The following ARSG variants were observed in gnomAD, a reference collection of about 807,000 sequenced individuals.
ARSG encodes the protein ASG.
In ARSG, 37 loss-of-function variants were observed where a neutral mutation model predicts 50.5. That is an observed-to-expected ratio of 0.73 (90% CI 0.56 to 0.96). The LOEUF is 0.96. Ranked by LOEUF, ARSG falls within the 50% of genes least tolerant of loss-of-function variation. The probability of loss-of-function intolerance (pLI) is 0.00; values close to 1 mark genes in which losing one functional copy is unlikely to be tolerated. For missense variants in ARSG, 629 were observed against 675.3 expected, an observed-to-expected ratio of 0.93 and a Z score of 0.76; for synonymous variants, 225 against 254.6, an observed-to-expected ratio of 0.88 and a Z score of 1.11.
At chr17:68,386,160 G>C (rs1285556845) in intron 9 of ARSG, among the ~76,000 whole-genome samples, 1 of 152,172 alleles carries the variant, frequency 6.6e-6, no homozygotes, top group Non-Finnish European at 1.5e-5. Flanking sequence ...CATCTTCCCA[G>C]CTATGGAACC....
chr17:68,437,191 G>A, the ARSG span, among the ~76,000 whole-genome samples: 3 of 152,104 alleles, frequency 2.0e-5, no homozygotes, highest in Non-Finnish European at 4.4e-5. Context: ...TCTTTCTGCA[G>A]ATGATTATAT....
chr17:68,325,740 T>G (rs545698491), intron 2 of ARSG, among the ~76,000 whole-genome samples: 1 of 152,308 alleles, frequency 6.6e-6, no homozygotes, highest in East Asian at 1.9e-4. Flanking sequence ...CATGTGATAG[T>G]CAAGGAAGCC....
intron 6 of ARSG, among the ~76,000 whole-genome samples, chr17:68,364,066 A>G (rs2146621530): frequency 6.6e-6 from 1 of 152,164 alleles, no homozygotes; most frequent in African/African-American, 2.4e-5. Context: ...TTCTTGAGAG[A>G]TGGGTGCCTC....
the ARSG span, chr17:68,435,809 T>C: frequency 2.0e-3 from 2,182 of 1,104,002 alleles, 40 homozygotes; most frequent in African/African-American, 0.028. Context: ...CTCCCTCCTT[T>C]GTCCAGCTCC....
At chr17:68,374,304 C>T (rs1393167141) in intron 8 of ARSG, among the ~76,000 whole-genome samples, 1 of 151,774 alleles carries the variant, frequency 6.6e-6, no homozygotes, top group Non-Finnish European at 1.5e-5. Context: ...AGTTAGAAAG[C>T]CTGGAATAGC....
intron 2 of ARSG, among the ~76,000 whole-genome samples, chr17:68,319,504 C>T (rs1316985644): frequency 6.6e-6 from 1 of 152,172 alleles, no homozygotes; most frequent in African/African-American, 2.4e-5. Context: ...AACACAATGA[C>T]CTAGATGGTA....
intron 11 of ARSG, among the ~76,000 whole-genome samples, chr17:68,414,931 G>T (rs1208260222): frequency 6.6e-6 from 1 of 151,852 alleles, no homozygotes; most frequent in Non-Finnish European, 1.5e-5. Flanking sequence ...TTCTTTTCTT[G>T]GTTAATCTTG....
intron 8 of ARSG, 39 bp from the exon 9 acceptor site, chr17:68,385,025 T>C: frequency 1.9e-6 from 3 of 1,552,280 alleles, no homozygotes; most frequent in Non-Finnish European, 2.7e-6. Flanking sequence ...TCTCGAGTTA[T>C]CACCATGGAT....
intron 1 of ARSG, among the ~76,000 whole-genome samples, chr17:68,262,342 G>A (rs2075085736): frequency 6.6e-6 from 1 of 151,854 alleles, no homozygotes; most frequent in African/African-American, 2.4e-5. Context: ...GTGGTGGCGG[G>A]CGCCTGTAGT....
chr17:68,369,113 A>G (rs1425814237), intron 7 of ARSG, among the ~76,000 whole-genome samples: 1 of 152,134 alleles, frequency 6.6e-6, no homozygotes, highest in Non-Finnish European at 1.5e-5. Context: ...CAAAGATTCT[A>G]CTTGCTGCCA....
chr17:68,442,860 GACA>G, the ARSG span, among the ~76,000 whole-genome samples: 1 of 152,182 alleles, frequency 6.6e-6, no homozygotes, highest in Admixed American at 6.5e-5. Context: ...GGGAACTCGT[GACA>G]ACTAGATTTT....
the ARSG span, among the ~76,000 whole-genome samples, chr17:68,435,206 C>CA: frequency 0.54 from 74,438 of 139,030 alleles, 20,319 homozygotes; most frequent in Admixed American, 0.65. Flanking sequence ...GACTCCACCT[C>CA]AAAAAAAAAA....
chr17:68,408,258 A>C, intron 11 of ARSG, among the ~76,000 whole-genome samples: 2 of 143,294 alleles, frequency 1.4e-5, no homozygotes, highest in South Asian at 2.4e-4. Context: ...ATATCTCCCA[A>C]TGCTATCCCT....
intron 1 of ARSG, among the ~76,000 whole-genome samples, chr17:68,277,443 T>G (rs904598141): frequency 6.7e-6 from 1 of 148,192 alleles, no homozygotes; most frequent in Non-Finnish European, 1.5e-5. Context: ...ACTTTTTTCT[T>G]TTTTGAGATG....
chr17:68,346,287 G>A (rs547751564), intron 3 of ARSG, among the ~76,000 whole-genome samples: 36 of 152,130 alleles, frequency 2.4e-4, no homozygotes, highest in African/African-American at 6.7e-4. Context: ...CAGTTTCACC[G>A]ATTCTTAATT....
intron 2 of ARSG, among the ~76,000 whole-genome samples, chr17:68,312,434 TC>T (rs1452805472): frequency 6.6e-6 from 1 of 152,172 alleles, no homozygotes; most frequent in African/African-American, 2.4e-5. Flanking sequence ...CTTAGGAACT[TC>T]CGCTTTCAGT....
downstream of ARSG, among the ~76,000 whole-genome samples, chr17:68,426,828 C>G (rs1404493014): frequency 6.6e-6 from 1 of 152,208 alleles, no homozygotes; most frequent in Non-Finnish European, 1.5e-5. Context: ...AGCCAATGTG[C>G]CTGGCCTCAT....
In ARSG at chr17:68,263,305, T is replaced by C. The variant is rs543547639; in HGVS notation, c.-552+3879T>C. Among the ~76,000 whole-genome samples the C allele has an allele frequency of 1.1e-3, 167 of 152,328 alleles. 4 individuals are homozygous for C. The South Asian group carries it at 0.033, about 30-fold the overall frequency. ...TATGCAACGGCGGCTGGCCCAGCTGTACGCTACGATCGCCCTCACTTAGGA... is the reference window on the plus strand; with the variant it reads ...TATGCAACGGCGGCTGGCCCAGCTGCACGCTACGATCGCCCTCACTTAGGA... On this transcript the variant is annotated intron_variant, in intron 1 of 11. Coordinates refer to the ARSG transcript ENST00000448504.
In ARSG at chr17:68,399,525, A is replaced by T. The variant is rs2081385148; in HGVS notation, c.1213-1835A>T. On this transcript the variant is annotated intron_variant, in intron 10 of 11. Transcript: ENST00000621439. This position sits in a 1 kb window ranked among gnomAD's most constrained non-coding sequence, Gnocchi z 4.6. The stretch of plus-strand genomic sequence containing the variant: ...GAGCTGTGATTCATGTGTACTTTTG[A>T]CAGCTTCCTTCCTATATTGATATAA... Among the ~76,000 whole-genome samples, 1 of 152,254 alleles carries T rather than the reference A, an allele frequency of 6.6e-6. No homozygotes were observed.
Sources: allele counts gnomAD v4.1 joint callset (sites outside exome capture counted in the v4.1 genomes callset), GRCh38; gene constraint gnomAD v4.1.1; non-coding constraint Gnocchi (gnomAD v3.1); transcripts MANE v1.5; gene names NCBI Gene and HGNC (gene_info 2026-07-23, HGNC 2026-07-21).